PAX2: variants seen among roughly 807,000 people sequenced by gnomAD.
PAX2 encodes paired box 2.
In PAX2, 9 loss-of-function variants were observed where a neutral mutation model predicts 41.7. That is an observed-to-expected ratio of 0.22 (90% CI 0.13 to 0.38). The LOEUF (loss-of-function observed/expected upper bound fraction) is 0.38, where lower values mean the gene tolerates loss of function less well. PAX2 is among the 10% of genes least tolerant of loss of function. The pLI, the probability that PAX2 is intolerant of heterozygous loss-of-function variation, is 1.00. For missense variants in PAX2, 418 were observed against 531.6 expected (o/e 0.79, Z 2.10); for synonymous variants, 221 against 212.7 (o/e 1.04, Z -0.34).
Position 100,748,406 on chromosome 10 carries a change from A to G in PAX2, c.44-1340A>G, listed in dbSNP as rs1256751850. 8.1e-6 allele frequency: 8 copies of G among 984,660 alleles called. No homozygotes were observed. The highest frequency in any genetic ancestry group is 9.6e-6 in the Non-Finnish European group (8 of 829,788). The allele number at this position is 984,660 out of a possible 1,614,324, so 61.0% of individuals were successfully genotyped here. A position where few individuals can be genotyped will look rare whatever the true frequency, so the allele number is the denominator to read the frequency against. On this transcript the variant is annotated intron_variant, in intron 1 of 9. Transcript: ENST00000355243. The surrounding 1 kb of genome is among the most constrained non-coding windows in gnomAD (Gnocchi z 5.0). The stretch of plus-strand genomic sequence containing the variant: ...ATCAGAGGTCTTTCCCCAGGGTTTC[A>G]CCGAGCTTGCTCTAGGTACCCCCCG...
At chr10:100,825,294 G>A (rs767370837) in intron 8 of PAX2, among the ~76,000 whole-genome samples, 27 of 152,178 alleles carry the variant, frequency 1.8e-4, no homozygotes, top group Non-Finnish European at 7.3e-5. Context: ...GCGGCGGGAA[G>A]CAGGGAGAGT....
Position 100,828,404 on chromosome 10 carries a change from C to CT in PAX2, c.*786dup. The CT allele has an allele frequency of 4.3e-6, 1 of 234,020 alleles. No individual in the cohort carries two copies. The highest frequency in any genetic ancestry group is 1.8e-4 in the South Asian group (1 of 5,540). The allele number at this position is 234,020 out of a possible 1,614,324, so 14.5% of individuals were successfully genotyped here. A position where few individuals can be genotyped will look rare whatever the true frequency, so the allele number is the denominator to read the frequency against. On this transcript the variant is annotated 3_prime_UTR_variant, in exon 10 of 10. Coordinates refer to ENST00000355243, the MANE Select transcript of PAX2 (RefSeq NM_000278.5). The surrounding 1 kb of genome is among the most constrained non-coding windows in gnomAD (Gnocchi z 6.5). ...CTAGTTCCCCAGGGCCCGGCACCTC[C>CT]TGCTGCGAGACCCGGCTCTCAGCCC...
intron 3 of PAX2, among the ~76,000 whole-genome samples, chr10:100,774,815 G>T (rs1300588415): frequency 6.6e-6 from 1 of 152,210 alleles, no homozygotes; most frequent in Non-Finnish European, 1.5e-5. Context: ...AAGTAACAAA[G>T]CCGGGATTCC....
chr10:100,809,811 G>A (rs1329397293), intron 7 of PAX2, among the ~76,000 whole-genome samples: 1 of 152,204 alleles, frequency 6.6e-6, no homozygotes, highest in Non-Finnish European at 1.5e-5. Flanking sequence ...TGATTTCAAG[G>A]CCAGGTAGGA....
intron 5 of PAX2, among the ~76,000 whole-genome samples, chr10:100,789,689 C>A (rs1012153734): frequency 3.3e-5 from 5 of 152,162 alleles, no homozygotes; most frequent in African/African-American, 1.2e-4. Flanking sequence ...TCAGCACTCA[C>A]CAAAACACAG....
At position 100,748,710 on chromosome 10, in the gene PAX2, G is replaced by A. The variant is rs1845308655; in HGVS notation, c.44-1036G>A. On this transcript the variant is annotated intron_variant, in intron 1 of 9. Transcript: ENST00000355243. This position sits in a 1 kb window ranked among gnomAD's most constrained non-coding sequence, Gnocchi z 5.0. ...GCCTCGGTTCCGAGATCGGGAGCCC[G>A]CGCTGGAGCCGGGTTGGAAACCCCG... 3 of 985,522 alleles carry A rather than the reference G, an allele frequency of 3.0e-6. No individual in the cohort carries two copies. Among genetic ancestry groups the A allele is most frequent in the African/African-American group, 3.5e-5 (2 of 57,378 alleles). The allele number at this position is 985,522 out of a possible 1,614,324, so 61.0% of individuals were successfully genotyped here.
intron 7 of PAX2, among the ~76,000 whole-genome samples, chr10:100,822,245 A>G (rs911711696): frequency 2.0e-5 from 3 of 152,222 alleles, no homozygotes; most frequent in African/African-American, 7.2e-5. Flanking sequence ...ATTCTATTGC[A>G]TAATAAAGTC....
At position 100,826,416 on chromosome 10, in the gene PAX2, C is replaced by A. The variant is rs1848567795; in HGVS notation, c.1022-593C>A. Among the ~76,000 whole-genome samples the A allele has an allele frequency of 6.6e-6, 1 of 152,228 alleles. No homozygotes were observed. The highest frequency in any genetic ancestry group is 2.4e-5 in the African/African-American group (1 of 41,462). On this transcript the variant is annotated intron_variant, in intron 8 of 9. Coordinates refer to ENST00000355243, the MANE Select transcript of PAX2 (RefSeq NM_000278.5). This position sits in a 1 kb window ranked among gnomAD's most constrained non-coding sequence, Gnocchi z 5.5. Reference sequence around the variant, plus strand: ...GGCCCTCCGCTCACCGCTAGCGGACCAGCGGGCAGTCCACCTGCGCCGCCT... The same window carrying A: ...GGCCCTCCGCTCACCGCTAGCGGACAAGCGGGCAGTCCACCTGCGCCGCCT...
intron 3 of PAX2, among the ~76,000 whole-genome samples, chr10:100,772,738 A>T (rs888748390): frequency 2.6e-5 from 4 of 152,248 alleles, no homozygotes; most frequent in Non-Finnish European, 4.4e-5. Flanking sequence ...CAGATACTTG[A>T]CATCTTGCTC....
chr10:100,760,379 G>A (rs1260319939), intron 3 of PAX2, among the ~76,000 whole-genome samples: 1 of 152,212 alleles, frequency 6.6e-6, no homozygotes, highest in African/African-American at 2.4e-5. Flanking sequence ...GAGAGCACGT[G>A]GTTGAATGGA....
chr10:100,805,089 C>T (rs1032364889), intron 5 of PAX2, among the ~76,000 whole-genome samples: 1 of 148,662 alleles, frequency 6.7e-6, no homozygotes, highest in Non-Finnish European at 1.5e-5. Flanking sequence ...CTTTGCTTTC[C>T]CACCCCCTCC....
At position 100,828,233 on chromosome 10, in the gene PAX2, T is replaced by C. The variant is rs983043171; in HGVS notation, c.*614T>C. 9.9e-5 allele frequency: 23 copies of C among 232,240 alleles called. No homozygotes were observed. The highest frequency in any genetic ancestry group is 5.1e-4 in the African/African-American group (23 of 45,238). 14.4% of individuals were successfully genotyped at this position (232,240 alleles called of 1,614,324 possible). Reference sequence around the variant, plus strand: ...TCCGGGTGTGCCCTGTCCCAGAAGATGGAATGGGGGTGTGGGGGTCCGGCT... The same window carrying C: ...TCCGGGTGTGCCCTGTCCCAGAAGACGGAATGGGGGTGTGGGGGTCCGGCT... On this transcript the variant is annotated 3_prime_UTR_variant, in exon 10 of 10. Coordinates refer to ENST00000355243, the MANE Select transcript of PAX2 (RefSeq NM_000278.5). This position sits in a 1 kb window ranked among gnomAD's most constrained non-coding sequence, Gnocchi z 6.5.
chr10:100,796,904 A>G (rs1847359141), intron 5 of PAX2, among the ~76,000 whole-genome samples: 1 of 152,128 alleles, frequency 6.6e-6, no homozygotes, highest in South Asian at 2.1e-4. Flanking sequence ...AAATTACCTA[A>G]CTTCTCTGAG....
intron 5 of PAX2, among the ~76,000 whole-genome samples, chr10:100,799,229 C>T (rs1377578574): frequency 6.6e-6 from 1 of 152,202 alleles, no homozygotes; most frequent in Admixed American, 6.5e-5. Context: ...GCCCATCACC[C>T]ACTGGTCCCC....
At chr10:100,817,663 G>C (rs57428349) in intron 7 of PAX2, among the ~76,000 whole-genome samples, 1,698 of 152,302 alleles carry the variant, frequency 0.011, 37 homozygotes, top group African/African-American at 0.039. Flanking sequence ...CCCTGAGTTG[G>C]AGGCACAGCC....
chr10:100,787,708 C>T (rs1289990457), intron 5 of PAX2, among the ~76,000 whole-genome samples: 1 of 152,012 alleles, frequency 6.6e-6, no homozygotes, highest in Non-Finnish European at 1.5e-5. Flanking sequence ...GTTGCAGCAT[C>T]GTCAATTCCA....
Position 100,826,937 on chromosome 10 carries a change from G to T in PAX2, c.1022-72G>T, listed in dbSNP as rs935626859. ...CCCGGCGGGAGGAGCGGGCGGAGAA[G>T]CCACCGGCCGGACTCGTGGGGTCCG... On this transcript the variant is annotated intron_variant, in intron 8 of 9. Coordinates refer to ENST00000355243, the MANE Select transcript of PAX2 (RefSeq NM_000278.5). This position sits in a 1 kb window ranked among gnomAD's most constrained non-coding sequence, Gnocchi z 5.5. 4 of 1,033,528 alleles carry T rather than the reference G, an allele frequency of 3.9e-6. No individual in the cohort carries two copies. Among genetic ancestry groups the T allele is most frequent in the Non-Finnish European group, 6.0e-6 (4 of 661,352 alleles). The allele number at this position is 1,033,528 out of a possible 1,614,324, so 64.0% of individuals were successfully genotyped here.
At chr10:100,743,558 T>C (rs557706933), upstream of PAX2, among the ~76,000 whole-genome samples, 22 of 152,264 alleles carry the variant, frequency 1.4e-4, no homozygotes, top group South Asian at 4.6e-3. Context: ...AAGGACCCTT[T>C]CTCAACGTTC....
At chr10:100,753,289 T>C (rs943753409) in intron 3 of PAX2, among the ~76,000 whole-genome samples, 3 of 152,200 alleles carry the variant, frequency 2.0e-5, no homozygotes, top group Non-Finnish European at 2.9e-5. Flanking sequence ...GGGGCTTCCC[T>C]GTGTGCTGCT....
Sources: allele counts gnomAD v4.1 joint callset (sites outside exome capture counted in the v4.1 genomes callset), GRCh38; gene constraint gnomAD v4.1.1; non-coding constraint Gnocchi (gnomAD v3.1); transcripts MANE v1.5; gene names NCBI Gene and HGNC (gene_info 2026-07-23, HGNC 2026-07-21).